Variants in SPEF2 observed in about 807,000 individuals in gnomAD.
SPEF2 encodes the protein sperm flagella and cilia-associated protein 2.
A neutral mutation model predicts 224.6 loss-of-function variants in SPEF2; 187 were observed. The observed-to-expected ratio is 0.83, with a 90% CI of 0.74 to 0.94. The LOEUF is 0.94. Ranked by LOEUF, SPEF2 falls within the 40% of genes least tolerant of loss-of-function variation. The probability of loss-of-function intolerance (pLI) is 0.00; values close to 1 mark genes in which losing one functional copy is unlikely to be tolerated. For missense variants in SPEF2, 2,170 were observed against 2,135.6 expected, an observed-to-expected ratio of 1.02 and a Z score of -0.32; for synonymous variants, 715 against 707.3, an observed-to-expected ratio of 1.01 and a Z score of -0.17.
intron 23 of SPEF2, among the ~76,000 whole-genome samples, chr5:35,740,942 G>C (rs557172832): frequency 6.6e-6 from 1 of 152,180 alleles, no homozygotes; most frequent in Non-Finnish European, 1.5e-5. Context: ...CTTAAGTATA[G>C]ATTACTAACA....
At chr5:35,783,641 CCT>C (rs1754651966) in intron 30 of SPEF2, among the ~76,000 whole-genome samples, 1 of 152,026 alleles carries the variant, frequency 6.6e-6, no homozygotes, top group South Asian at 2.1e-4. Flanking sequence ...CAATATTACC[CCT>C]GAGTGCTTCC....
In SPEF2 at chr5:35,739,836, TGC is replaced by T; in HGVS notation, c.3064-82_3064-81del. 3 of 1,521,126 alleles carry T rather than the reference TGC, an allele frequency of 2.0e-6. No individual in the cohort carries two copies. In the Admixed American group the frequency reaches 6.0e-5, roughly 30 times the overall value. The allele number at this position is 1,521,126 out of a possible 1,614,324, so 94.2% of individuals were successfully genotyped here. A position where few individuals can be genotyped will look rare whatever the true frequency, so the allele number is the denominator to read the frequency against. ...AGTTGCAGTTGCATCTTGACCTTTT[TGC>T]TTGGGACTGTTCTTTTGACACTATT... On this transcript the variant is annotated intron_variant, in intron 21 of 36. Coordinates refer to ENST00000356031, the MANE Select transcript of SPEF2 (RefSeq NM_024867.4).
At chr5:35,709,229 A>G in intron 19 of SPEF2, 108 bp downstream of exon 19, 1 of 1,528,868 alleles carries the variant, frequency 6.5e-7, no homozygotes, top group Non-Finnish European at 8.7e-7. Flanking sequence ...AACTTCAATC[A>G]TATGAAACAA....
At chr5:35,674,806 A>G (rs531548486) in intron 10 of SPEF2, among the ~76,000 whole-genome samples, 3 of 152,118 alleles carry the variant, frequency 2.0e-5, no homozygotes, top group African/African-American at 7.2e-5. Flanking sequence ...GGGAGACACA[A>G]ACATTCAGCC....
intron 7 of SPEF2, 46 bp downstream of exon 7, chr5:35,654,772 C>A: frequency 6.5e-7 from 1 of 1,528,686 alleles, no homozygotes; most frequent in East Asian, 2.3e-5. Context: ...GGGAATTCTA[C>A]AAAATGTAGT....
chr5:35,800,867 G>A (rs1297721517), intron 34 of SPEF2, among the ~76,000 whole-genome samples: 1 of 152,118 alleles, frequency 6.6e-6, no homozygotes, highest in African/African-American at 2.4e-5. Flanking sequence ...CTGCCCAGTC[G>A]AGACTCCTCA....
chr5:35,776,714 A>C (rs1045201919), intron 29 of SPEF2, among the ~76,000 whole-genome samples: 1 of 152,208 alleles, frequency 6.6e-6, no homozygotes, highest in Non-Finnish European at 1.5e-5. Flanking sequence ...AATAGTTTTT[A>C]GAAGTAAAAT....
chr5:35,789,635 T>C, intron 30 of SPEF2: 8 of 629,798 alleles, frequency 1.3e-5, no homozygotes, highest in Non-Finnish European at 2.0e-5. Flanking sequence ...GTTTCAGAGA[T>C]GCCAGCCAAA....
At chr5:35,626,830 T>C (rs1234634914) in intron 1 of SPEF2, among the ~76,000 whole-genome samples, 1 of 152,158 alleles carries the variant, frequency 6.6e-6, no homozygotes, top group Non-Finnish European at 1.5e-5. Context: ...ATGCAAAAAG[T>C]ATTATGATAG....
At position 35,655,671 on chromosome 5, in the gene SPEF2, G is replaced by A. The variant is rs185005320; in HGVS notation, c.978+945G>A. The stretch of plus-strand genomic sequence containing the variant: ...AGGGGCAGTTTCCAGGAAAGGTGGT[G>A]GAAGGTGAGTGTTTCCAGACAAGGG... On this transcript the variant is annotated intron_variant, in intron 7 of 36. Transcript: ENST00000356031. 4.9e-4 allele frequency among the ~76,000 whole-genome samples: 74 copies of A among 152,314 alleles called. 1 individual carries two copies. The South Asian group carries it at 5.0e-3, about 10-fold the overall frequency.
At chr5:35,809,272 G>T (rs141192383) in intron 36 of SPEF2, among the ~76,000 whole-genome samples, 2,961 of 152,084 alleles carry the variant, frequency 0.019, 92 homozygotes, top group African/African-American at 0.057. Context: ...TACATAATTT[G>T]GTCACTGCTC....
chr5:35,703,910 G>T (rs1392870712), intron 16 of SPEF2, among the ~76,000 whole-genome samples: 1 of 152,132 alleles, frequency 6.6e-6, no homozygotes, highest in Non-Finnish European at 1.5e-5. Context: ...CTTGCATTGA[G>T]TAATTCTAAT....
chr5:35,618,173 A>T, intron 1 of SPEF2, 118 bp downstream of exon 1: 1 of 1,103,686 alleles, frequency 9.1e-7, no homozygotes, highest in Non-Finnish European at 1.3e-6. Flanking sequence ...CAGGTGGGGC[A>T]CCTGCGTAGC....
chr5:35,648,939 G>A (rs548356424), intron 5 of SPEF2, among the ~76,000 whole-genome samples: 15 of 151,724 alleles, frequency 9.9e-5, no homozygotes, highest in African/African-American at 3.4e-4. Context: ...ACTTGAACCC[G>A]GGAGGTGGAG....
chr5:35,773,918 A>T lies in SPEF2; in HGVS notation c.3975A>T (p.Ala1325=), dbSNP rs775020425. 1 of 1,613,046 alleles carries T rather than the reference A, an allele frequency of 6.2e-7. No homozygotes were observed. Among genetic ancestry groups the T allele is most frequent in the East Asian group, 2.2e-5 (1 of 44,856 alleles). Residue 1325 remains alanine, a synonymous_variant, in exon 28 of 37, where the codon GCA becomes GCT. Transcript: ENST00000356031. The part of the protein sequence containing the change: ...PKGKSPPMAE[A]TPVIVTTEEI... ...GTAAATCACCACCTATGGCAGAAGC[A>T]ACTCCTGTCATAGTAACAACAGAGG...
intron 20 of SPEF2, among the ~76,000 whole-genome samples, chr5:35,720,778 A>G (rs367688097): frequency 1.3e-5 from 2 of 152,168 alleles, no homozygotes; most frequent in Non-Finnish European, 2.9e-5. Context: ...AATCCCACGT[A>G]CCTAAACCTG....
chr5:35,687,497 G>A (rs535482365), intron 10 of SPEF2, among the ~76,000 whole-genome samples: 6 of 149,866 alleles, frequency 4.0e-5, no homozygotes, highest in African/African-American at 9.8e-5. Context: ...TAGCTCTGTC[G>A]CCCAGGCTGG....
chr5:35,773,878 T>C lies in SPEF2; in HGVS notation c.3950-15T>C. On this transcript the variant is annotated splice_polypyrimidine_tract_variant and intron_variant, in intron 27 of 36. Coordinates refer to ENST00000356031, the MANE Select transcript of SPEF2 (RefSeq NM_024867.4). ...ATTTTGTTAGTTTACTCAGCATGTT[T>C]CATTGCCCTTTCAGGTAAATCACCA... is the stretch of plus-strand genomic sequence containing the variant. 1 of 1,609,318 alleles carries C rather than the reference T, an allele frequency of 6.2e-7. No individual in the cohort carries two copies. The highest frequency in any genetic ancestry group is 8.5e-7 in the Non-Finnish European group (1 of 1,178,114).
intron 30 of SPEF2, among the ~76,000 whole-genome samples, chr5:35,781,976 T>G (rs909044174): frequency 6.6e-6 from 1 of 152,136 alleles, no homozygotes; most frequent in Non-Finnish European, 1.5e-5. Flanking sequence ...CTCCAAACAT[T>G]GACAATGGCC....
Sources: allele counts gnomAD v4.1 joint callset (sites outside exome capture counted in the v4.1 genomes callset), GRCh38; gene constraint gnomAD v4.1.1; transcripts MANE v1.5; gene names NCBI Gene and HGNC (gene_info 2026-07-23, HGNC 2026-07-21).